Variants in NOL4 observed in about 807,000 individuals in gnomAD.
The protein encoded by NOL4 is nucleolar protein 4, also known as cancer/testis antigen 125.
A neutral mutation model predicts 75.9 loss-of-function variants in NOL4; 17 were observed. The observed-to-expected ratio is 0.22, with a 90% CI of 0.15 to 0.34. NOL4 has a LOEUF of 0.34. NOL4 is among the 10% of genes least tolerant of loss of function. The probability of loss-of-function intolerance (pLI) is 1.00; values close to 1 mark genes in which losing one functional copy is unlikely to be tolerated. For missense variants in NOL4, 614 were observed against 793.5 expected (o/e 0.77, Z 2.72); for synonymous variants, 292 against 289.9 (o/e 1.01, Z -0.07).
chr18:34,085,875 A>C (rs922056150), intron 5 of NOL4, among the ~76,000 whole-genome samples: 1 of 152,196 alleles, frequency 6.6e-6, no homozygotes, highest in African/African-American at 2.4e-5. Context: ...AAATACTTAC[A>C]CATGAACACA....
chr18:33,980,372 T>G (rs1349001882), intron 6 of NOL4, among the ~76,000 whole-genome samples: 2 of 151,988 alleles, frequency 1.3e-5, no homozygotes, highest in African/African-American at 4.8e-5. Flanking sequence ...TTCTACCAAG[T>G]TTTTAACAGT....
intron 1 of NOL4, chr18:34,222,420 C>T: frequency 8.9e-7 from 1 of 1,118,262 alleles, no homozygotes; most frequent in African/African-American, 1.6e-5. Context: ...TGGGAGTGAT[C>T]GAGGCATTCG....
At chr18:33,993,197 T>A (rs560830596) in intron 6 of NOL4, among the ~76,000 whole-genome samples, 1 of 151,926 alleles carries the variant, frequency 6.6e-6, no homozygotes, top group Non-Finnish European at 1.5e-5. Flanking sequence ...AGCATTAGTC[T>A]GAACAGCAAA....
intron 6 of NOL4, among the ~76,000 whole-genome samples, chr18:34,007,831 T>C (rs539154004): frequency 1.3e-5 from 2 of 152,132 alleles, no homozygotes; most frequent in South Asian, 4.1e-4. Flanking sequence ...CTTGTTATTT[T>C]TTTTTATTTG....
At chr18:34,192,708 G>A (rs112617189) in intron 1 of NOL4, among the ~76,000 whole-genome samples, 78 of 152,308 alleles carry the variant, frequency 5.1e-4, no homozygotes, top group African/African-American at 1.9e-3. Flanking sequence ...TTGCTTAAAT[G>A]TGTCTTCCAA....
At chr18:34,067,586 T>C (rs1320803598) in intron 5 of NOL4, among the ~76,000 whole-genome samples, 3 of 152,070 alleles carry the variant, frequency 2.0e-5, no homozygotes, top group Non-Finnish European at 4.4e-5. Context: ...AGTGTTCAGA[T>C]TTTAGGTACA....
At chr18:34,159,594 A>T (rs762106760) in intron 1 of NOL4, among the ~76,000 whole-genome samples, 1 of 151,988 alleles carries the variant, frequency 6.6e-6, no homozygotes, top group Non-Finnish European at 1.5e-5. Context: ...CCTAGAGAGC[A>T]GGCCCCACCC....
chr18:34,100,090 C>G (rs1054328737), intron 4 of NOL4, among the ~76,000 whole-genome samples: 1 of 151,250 alleles, frequency 6.6e-6, no homozygotes, highest in African/African-American at 2.4e-5. Context: ...CAGAACAATT[C>G]CATAATCTCC....
chr18:34,053,560 A>G (rs2076712524), intron 5 of NOL4, among the ~76,000 whole-genome samples: 1 of 151,910 alleles, frequency 6.6e-6, no homozygotes. Flanking sequence ...GAAGATGGAA[A>G]ATTGTCTCTG....
At chr18:34,020,842 G>A (rs1363794289) in intron 5 of NOL4, among the ~76,000 whole-genome samples, 2 of 151,904 alleles carry the variant, frequency 1.3e-5, no homozygotes, top group African/African-American at 2.4e-5. Context: ...ATTTGCTACT[G>A]ATTTTTAAAA....
rs202225072 is a variant in NOL4, at chr18:34,186,834, AAAC to A, written c.264+36153_264+36155del. Among the ~76,000 whole-genome samples the A allele has an allele frequency of 8.5e-3, 1,291 of 152,302 alleles. 9 individuals carry two copies. The highest frequency in any genetic ancestry group is 0.028 in the African/African-American group (1,174 of 41,550). On this transcript the variant is annotated intron_variant, in intron 1 of 10. Coordinates refer to ENST00000261592, the MANE Select transcript of NOL4 (RefSeq NM_003787.5). ...TATTCACATTGAAGCTTTTTTAAAA[AAAC>A]AACAACAACAACTTTATTTTTAGTG...
intron 1 of NOL4, among the ~76,000 whole-genome samples, chr18:34,214,579 C>G (rs2036746426): frequency 6.6e-6 from 1 of 152,034 alleles, no homozygotes; most frequent in South Asian, 2.1e-4. Context: ...ATTAAAGGGA[C>G]TTTTTGTTTC....
intron 1 of NOL4, among the ~76,000 whole-genome samples, chr18:34,157,813 C>A (rs1211614835): frequency 6.6e-6 from 1 of 152,006 alleles, no homozygotes; most frequent in Non-Finnish European, 1.5e-5. Flanking sequence ...AGGGACCATT[C>A]GATTTGGTAT....
At position 33,853,767 on chromosome 18, in the gene NOL4, A is replaced by C. The variant is rs535895042; in HGVS notation, c.1724-732T>G. 8.5e-5 allele frequency among the ~76,000 whole-genome samples: 13 copies of C among 152,188 alleles called. No individual in the cohort carries two copies. In the South Asian group the frequency reaches 2.7e-3, roughly 32 times the overall value. ...ACTGACTTACGTGTTTAGGAATTTA[A>C]TGTCATCTCTGTATTTATTTGCACA... On this transcript the variant is annotated intron_variant, in intron 10 of 10. Coordinates refer to ENST00000261592, the MANE Select transcript of NOL4 (RefSeq NM_003787.5).
At chr18:34,032,539 G>A (rs766040000) in intron 5 of NOL4, among the ~76,000 whole-genome samples, 1 of 152,130 alleles carries the variant, frequency 6.6e-6, no homozygotes, top group Non-Finnish European at 1.5e-5. Flanking sequence ...ACCACAGCTG[G>A]CATCTATCTG....
rs140910940 is a variant in NOL4, at chr18:34,113,072, C to T, written c.415-7912G>A. ...ACTCAAAGTCCTGGGCTCAAGTGAT[C>T]GATCCTCCTGCCTCAGCCTCCCAAT... On this transcript the variant is annotated intron_variant, in intron 2 of 10. Coordinates refer to ENST00000261592, the MANE Select transcript of NOL4 (RefSeq NM_003787.5). Among the ~76,000 whole-genome samples, 4 of 152,202 alleles carry T rather than the reference C, an allele frequency of 2.6e-5. No individual in the cohort carries two copies. In the South Asian group the frequency reaches 6.2e-4, roughly 24 times the overall value.
chr18:33,899,972 C>A (rs934482114), intron 9 of NOL4, among the ~76,000 whole-genome samples: 1 of 152,004 alleles, frequency 6.6e-6, no homozygotes, highest in Non-Finnish European at 1.5e-5. Context: ...CAAATTATAG[C>A]AAGAAAAATC....
chr18:33,926,867 G>A (rs1242948842), intron 9 of NOL4, among the ~76,000 whole-genome samples: 1 of 152,094 alleles, frequency 6.6e-6, no homozygotes, highest in African/African-American at 2.4e-5. Context: ...CAAAGTGCTG[G>A]GATTACAGGT....
chr18:33,943,197 A>G lies in NOL4; in HGVS notation c.1429-19T>C. On this transcript the variant is annotated intron_variant, in intron 8 of 10. Coordinates refer to ENST00000261592, the MANE Select transcript of NOL4 (RefSeq NM_003787.5). ...GTCGAGACTAAAAAAAAAAAGAGAAAAGTATGAAAAAAATTATTAACAGTA... is the reference window on the plus strand; with the variant it reads ...GTCGAGACTAAAAAAAAAAAGAGAAGAGTATGAAAAAAATTATTAACAGTA... 1 of 1,554,704 alleles carries G rather than the reference A, an allele frequency of 6.4e-7. No homozygotes were observed.
Sources: allele counts gnomAD v4.1 joint callset (sites outside exome capture counted in the v4.1 genomes callset), GRCh38; gene constraint gnomAD v4.1.1; transcripts MANE v1.5; gene names NCBI Gene and HGNC (gene_info 2026-07-23, HGNC 2026-07-21).